The following ZNF487 variants were observed in gnomAD, a reference collection of about 807,000 sequenced individuals.
The protein encoded by ZNF487 is zinc finger protein 487, also known as KRAB domain only 1.
ZNF487 carries 4 observed loss-of-function variants against 3.0 expected under a neutral mutation model. That is an observed-to-expected ratio of 1.35 (90% CI 0.66 to 3.08). ZNF487 has a LOEUF of 3.08. ZNF487 is among the 30% of genes most tolerant of loss of function. ZNF487 has a pLI of 0.01. For synonymous variants in ZNF487, 55 were observed against 34.6 expected (o/e 1.59, Z -2.06); for missense variants, 146 against 98.7 (o/e 1.48, Z -2.03).
chr10:43,516,325 G>C, the ZNF487 span, among the ~76,000 whole-genome samples: 1 of 152,042 alleles, frequency 6.6e-6, no homozygotes, highest in Admixed American at 6.6e-5. Context: ...GCATTTTTGG[G>C]TCTAATCATA....
intron 1 of ZNF487, among the ~76,000 whole-genome samples, chr10:43,456,229 A>G (rs1589031360): frequency 6.6e-6 from 1 of 152,196 alleles, no homozygotes; most frequent in East Asian, 1.9e-4. Context: ...TGTAAGCCCC[A>G]AATAAAATGA....
chr10:43,505,334 G>GA, the ZNF487 span, among the ~76,000 whole-genome samples: 19 of 151,522 alleles, frequency 1.3e-4, no homozygotes, highest in African/African-American at 4.1e-4. Context: ...ACCTAGACTG[G>GA]AGTGCAGTGG....
intron 1 of ZNF487, chr10:43,452,212 C>G (rs1376467353): frequency 1.3e-5 from 2 of 152,090 alleles, no homozygotes; most frequent in African/African-American, 2.4e-5. Context: ...CTCTCAAGCC[C>G]CACCTCTTCC....
At chr10:43,521,862 C>T in the ZNF487 span, among the ~76,000 whole-genome samples, 22 of 150,840 alleles carry the variant, frequency 1.5e-4, no homozygotes, top group African/African-American at 5.3e-4. Flanking sequence ...AATATATACA[C>T]ACGTATATAT....
In ZNF487 at chr10:43,482,746, T is replaced by C; in HGVS notation, c.*824T>C. On this transcript the variant is annotated 3_prime_UTR_variant, in exon 4 of 4. Transcript: ENST00000437590. ...TGAACTCACACAGGAGAGAGACCCTTTGAATGCAATGAATGTCAAAAATCC... is the reference window on the plus strand; with the variant it reads ...TGAACTCACACAGGAGAGAGACCCTCTGAATGCAATGAATGTCAAAAATCC... The C allele has an allele frequency of 4.3e-6, 2 of 464,132 alleles. No homozygotes were observed. Among genetic ancestry groups the C allele is most frequent in the Non-Finnish European group, 8.7e-6 (2 of 229,138 alleles). 28.8% of individuals were successfully genotyped at this position (464,132 alleles called of 1,614,324 possible).
the ZNF487 span, among the ~76,000 whole-genome samples, chr10:43,514,146 G>A: frequency 6.6e-6 from 1 of 151,998 alleles, no homozygotes; most frequent in African/African-American, 2.4e-5. Flanking sequence ...GTTTGTTTTT[G>A]TTGTTTGTTT....
chr10:43,497,783 C>T, the ZNF487 span, among the ~76,000 whole-genome samples: 1 of 151,380 alleles, frequency 6.6e-6, no homozygotes, highest in Non-Finnish European at 1.5e-5. Context: ...CTGGCCAACA[C>T]GGTGAAACCC....
downstream of ZNF487, among the ~76,000 whole-genome samples, chr10:43,487,844 G>A (rs1392268331): frequency 6.6e-6 from 1 of 151,208 alleles, no homozygotes; most frequent in Non-Finnish European, 1.5e-5. Flanking sequence ...CAGCATTTTG[G>A]GAGGCCGAGG....
intron 1 of ZNF487, among the ~76,000 whole-genome samples, chr10:43,461,009 A>ATTTT (rs145079351): frequency 7.0e-6 from 1 of 142,184 alleles, no homozygotes; most frequent in Non-Finnish European, 1.5e-5. Context: ...TAATATCTTA[A>ATTTT]TTTTTTTTTT....
At chr10:43,496,109 A>C in the ZNF487 span, 1 of 532,902 alleles carries the variant, frequency 1.9e-6, no homozygotes, top group Middle Eastern at 3.2e-4. Flanking sequence ...CATGAATGTA[A>C]TGCTGGAGAA....
intron 1 of ZNF487, among the ~76,000 whole-genome samples, chr10:43,462,962 C>T (rs944716149): frequency 9.4e-5 from 14 of 149,412 alleles, no homozygotes; most frequent in African/African-American, 2.2e-4. Context: ...TGGCCAGGTG[C>T]GGTGGCTCAT....
chr10:43,506,100 T>A, the ZNF487 span, among the ~76,000 whole-genome samples: 3 of 152,246 alleles, frequency 2.0e-5, no homozygotes, highest in Non-Finnish European at 4.4e-5. Flanking sequence ...CACTTTGCCG[T>A]GAAGGATTTT....
chr10:43,493,701 A>T, the ZNF487 span, among the ~76,000 whole-genome samples: 1 of 76,718 alleles, frequency 1.3e-5, no homozygotes, highest in African/African-American at 6.2e-5. Flanking sequence ...AAAAGAAAAA[A>T]AAAAAAAAAT....
intron 3 of ZNF487, among the ~76,000 whole-genome samples, chr10:43,477,739 G>A (rs1016349583): frequency 1.3e-5 from 2 of 151,806 alleles, no homozygotes; most frequent in African/African-American, 2.4e-5. Flanking sequence ...GTCACCTGAG[G>A]TCAGGAGTTC....
chr10:43,518,664 A>G, the ZNF487 span, among the ~76,000 whole-genome samples: 2 of 152,170 alleles, frequency 1.3e-5, no homozygotes, highest in African/African-American at 4.8e-5. Context: ...AGCCTGGCAC[A>G]CAATTGTCCC....
At chr10:43,457,418 G>A (rs2132078997) in intron 1 of ZNF487, among the ~76,000 whole-genome samples, 1 of 148,610 alleles carries the variant, frequency 6.7e-6, no homozygotes, top group Non-Finnish European at 1.5e-5. Context: ...AGCTGGGCAT[G>A]GTGGCGCATG....
chr10:43,474,840 C>T (rs777557169), intron 1 of ZNF487, among the ~76,000 whole-genome samples: 3 of 152,078 alleles, frequency 2.0e-5, no homozygotes, highest in Non-Finnish European at 4.4e-5. Context: ...GCCTTGGCCA[C>T]CCAAAGTGCT....
chr10:43,452,040 T>G (rs1840029732), intron 1 of ZNF487: 1 of 152,244 alleles, frequency 6.6e-6, no homozygotes, highest in Admixed American at 6.5e-5. Context: ...CAGGAAATGC[T>G]CAATTCGAGT....
At chr10:43,441,236 G>C (rs1476741943) in intron 1 of ZNF487, among the ~76,000 whole-genome samples, 2 of 150,908 alleles carry the variant, frequency 1.3e-5, no homozygotes, top group Non-Finnish European at 3.0e-5. Flanking sequence ...CAAAGTGCTG[G>C]GAGTATAGAC....
Sources: gnomAD v4.1 joint callset for allele counts (sites outside exome capture counted in the v4.1 genomes callset) on GRCh38, gnomAD v4.1.1 for gene constraint, MANE v1.5 for transcripts, NCBI Gene and HGNC (gene_info 2026-07-23, HGNC 2026-07-21) for gene names.